Variants in VMP1 observed in about 807,000 individuals in gnomAD.
The protein encoded by VMP1 is vacuole membrane protein 1.
Under a neutral mutation model 56.0 loss-of-function variants are expected in VMP1, and 11 were observed. The observed-to-expected ratio is 0.20, with a 90% CI of 0.12 to 0.32. The LOEUF is 0.32. VMP1 is among the 10% of genes least tolerant of loss of function. The probability of loss-of-function intolerance (pLI) is 1.00; values close to 1 mark genes in which losing one functional copy is unlikely to be tolerated. For synonymous variants in VMP1, 149 were observed against 165.0 expected (o/e 0.90, Z 0.74); for missense variants, 296 against 490.3 (o/e 0.60, Z 3.74).
rs184060276 is a variant in VMP1, at chr17:59,723,548, T to A, written c.-26-7873T>A. On this transcript the variant is annotated intron_variant, in intron 1 of 11. Coordinates refer to ENST00000262291, the MANE Select transcript of VMP1 (RefSeq NM_030938.5). ...TTCACAAAAGCAATTTATTTTTATT[T>A]GTCGGAGCAGAAGTCATATCACAAT... 5.9e-5 allele frequency among the ~76,000 whole-genome samples: 9 copies of A among 152,340 alleles called. No individual in the cohort carries two copies. The East Asian group carries it at 1.7e-3, about 29-fold the overall frequency.
At chr17:59,762,175 G>A (rs893551221) in intron 5 of VMP1, among the ~76,000 whole-genome samples, 1 of 152,122 alleles carries the variant, frequency 6.6e-6, no homozygotes, top group Non-Finnish European at 1.5e-5. Flanking sequence ...TACTTCATCC[G>A]CCGTGAGACA....
chr17:59,744,642 A>AAG (rs1389702237), intron 5 of VMP1, among the ~76,000 whole-genome samples: 1 of 151,316 alleles, frequency 6.6e-6, no homozygotes, highest in South Asian at 2.1e-4. Flanking sequence ...AAAAAAAAAA[A>AAG]AGAGAGAGAC....
At chr17:59,832,679 C>T (rs554520617) in intron 10 of VMP1, among the ~76,000 whole-genome samples, 3 of 151,608 alleles carry the variant, frequency 2.0e-5, no homozygotes, top group East Asian at 1.9e-4. Flanking sequence ...CTGCACCCTT[C>T]GCCTCCCGGG....
chr17:59,801,454 A>G (rs2037660765), intron 7 of VMP1, among the ~76,000 whole-genome samples: 1 of 151,204 alleles, frequency 6.6e-6, no homozygotes, highest in Non-Finnish European at 1.5e-5. Context: ...TGGTCTCCTT[A>G]TGTTACCCAG....
chr17:59,796,025 TTCTC>T (rs951653786), intron 7 of VMP1, among the ~76,000 whole-genome samples: 14 of 152,222 alleles, frequency 9.2e-5, no homozygotes, highest in Non-Finnish European at 1.8e-4. Flanking sequence ...TTTGTATTGT[TTCTC>T]TCTATAGCAC....
chr17:59,781,354 C>A (rs934345881), intron 7 of VMP1, among the ~76,000 whole-genome samples: 3 of 152,154 alleles, frequency 2.0e-5, no homozygotes, highest in African/African-American at 7.2e-5. Flanking sequence ...ACCTTCTCCC[C>A]AGTGTAGGGT....
At chr17:59,764,919 T>C (rs901063638) in intron 5 of VMP1, 52 bp from the exon 6 acceptor site, 8 of 1,334,300 alleles carry the variant, frequency 6.0e-6, no homozygotes, top group Admixed American at 2.6e-5. Context: ...ATAATGTGTA[T>C]TGATAATTTT....
intron 8 of VMP1, among the ~76,000 whole-genome samples, chr17:59,810,742 T>C (rs1334805979): frequency 6.6e-6 from 1 of 152,226 alleles, no homozygotes; most frequent in Non-Finnish European, 1.5e-5. Flanking sequence ...TTAAAGATCA[T>C]ATGTGACAAG....
At position 59,735,709 on chromosome 17, in the gene VMP1, C is replaced by T. The variant is rs188581944; in HGVS notation, c.212+236C>T. On this transcript the variant is annotated intron_variant, in intron 3 of 11. Coordinates refer to ENST00000262291, the MANE Select transcript of VMP1 (RefSeq NM_030938.5). ...TTATCACAGTTGTCCACTGTTTTTT[C>T]ATGTTGAATCTGCAGTGGAGAACAC... The T allele has an allele frequency of 8.2e-4, 375 of 455,626 alleles. 2 individuals carry two copies. The highest frequency in any genetic ancestry group is 6.7e-3 in the African/African-American group (347 of 51,646). 28.2% of individuals were successfully genotyped at this position (455,626 alleles called of 1,614,324 possible). A position where few individuals can be genotyped will look rare whatever the true frequency, so the allele number is the denominator to read the frequency against.
At chr17:59,759,842 C>T (rs80310564) in intron 5 of VMP1, among the ~76,000 whole-genome samples, 5,514 of 145,904 alleles carry the variant, frequency 0.038, 362 homozygotes, top group African/African-American at 0.13. Flanking sequence ...TTTCTTTTTT[C>T]TCTGCCTTCT....
intron 10 of VMP1, among the ~76,000 whole-genome samples, chr17:59,826,659 A>G (rs892622240): frequency 1.3e-5 from 2 of 152,260 alleles, no homozygotes; most frequent in African/African-American, 4.8e-5. Context: ...TTTCATATCC[A>G]TAACAAAACC....
chr17:59,795,554 G>A (rs1382460992), intron 7 of VMP1, among the ~76,000 whole-genome samples: 2 of 145,106 alleles, frequency 1.4e-5, no homozygotes, highest in Non-Finnish European at 3.0e-5. Flanking sequence ...GCTCATGCCT[G>A]TAATCCTAGC....
At chr17:59,824,578 A>G (rs544391095) in intron 10 of VMP1, among the ~76,000 whole-genome samples, 1 of 150,406 alleles carries the variant, frequency 6.6e-6, no homozygotes, top group South Asian at 2.1e-4. Flanking sequence ...TTCTAAAAAA[A>G]AAAAAAAAAA....
Position 59,838,387 on chromosome 17 carries a change from G to A in VMP1, c.1067G>A (p.Gly356Asp). 5 of 1,614,064 alleles carry A rather than the reference G, an allele frequency of 3.1e-6. No homozygotes were observed. Among genetic ancestry groups the A allele is most frequent in the Non-Finnish European group, 4.2e-6 (5 of 1,179,992 alleles). The change falls in exon 11 of 12, where the codon GGC becomes GAC. Residue 356 changes from glycine to aspartate, a missense_variant. By Grantham distance (94) the Gly-to-Asp change is moderately conservative. Transcript: ENST00000262291. Reference protein sequence around the residue: ...RQKLHHKSEMGTPQGENWLSW... With the variant: ...RQKLHHKSEMDTPQGENWLSW... The stretch of plus-strand genomic sequence containing the variant: ...AAGCTTCACCACAAAAGCGAAATGG[G>A]CACACCACAGGTAAGACTTTAATCC...
Position 59,735,371 on chromosome 17 carries a change from A to T in VMP1, c.110A>T (p.Glu37Val), listed in dbSNP as rs748835554. The change falls in exon 3 of 12, where the codon GAG (glutamate) becomes GTG (valine). Residue 37 changes from glutamate to valine, a missense_variant. By Grantham distance (121) the Glu-to-Val change is moderately radical. Coordinates refer to ENST00000262291, the MANE Select transcript of VMP1 (RefSeq NM_030938.5). ...PSSVNEKKRR[E>V]REERQNIVLW... ...TCAGTGAATGAAAAGAAGAGGAGGG[A>T]GCGGGAAGAAAGGCAGAATATTGTC... The T allele has an allele frequency of 6.2e-7, 1 of 1,614,082 alleles. No homozygotes were observed. The highest frequency in any genetic ancestry group is 1.7e-5 in the Admixed American group (1 of 60,008).
At chr17:59,745,499 A>C (rs1004422292) in intron 5 of VMP1, among the ~76,000 whole-genome samples, 5 of 152,238 alleles carry the variant, frequency 3.3e-5, no homozygotes, top group Admixed American at 2.0e-4. Flanking sequence ...CTTAATAGAA[A>C]CAATTTCAAA....
chr17:59,823,385 AGG>A (rs1298491560), intron 10 of VMP1, among the ~76,000 whole-genome samples: 1 of 149,490 alleles, frequency 6.7e-6, no homozygotes. Flanking sequence ...TGGGAGGCGG[AGG>A]TTGCAGTGAG....
rs913976885 is a variant in VMP1, at chr17:59,749,227, G to A, written c.414+10280G>A. The stretch of plus-strand genomic sequence containing the variant: ...CTACCTCAGCCTCCCAAAGTGCTGG[G>A]ATTACGGGCGTGAGCCACCATGCCC... On this transcript the variant is annotated intron_variant, in intron 5 of 11. Transcript: ENST00000262291. Among the ~76,000 whole-genome samples, 5 of 151,942 alleles carry A rather than the reference G, an allele frequency of 3.3e-5. No individual in the cohort carries two copies. In the South Asian group the frequency reaches 1.0e-3, roughly 32 times the overall value.
At chr17:59,725,342 G>A (rs1202541906) in intron 1 of VMP1, among the ~76,000 whole-genome samples, 1 of 152,146 alleles carries the variant, frequency 6.6e-6, no homozygotes. Context: ...TTTACAGTAC[G>A]TATGATTGGG....
Sources: allele counts gnomAD v4.1 joint callset (sites outside exome capture counted in the v4.1 genomes callset), GRCh38; gene constraint gnomAD v4.1.1; transcripts MANE v1.5; gene names NCBI Gene and HGNC (gene_info 2026-07-23, HGNC 2026-07-21).